The following GPHN variants were observed in gnomAD, a reference collection of about 807,000 sequenced individuals.
GPHN encodes the protein gephyrin.
Under a neutral mutation model 95.5 loss-of-function variants are expected in GPHN, and 17 were observed. The ratio of observed to expected loss-of-function variants is 0.18; its 90% confidence interval spans 0.12 to 0.27. The LOEUF (loss-of-function observed/expected upper bound fraction) is 0.27, where lower values mean the gene tolerates loss of function less well. Among genes scored for constraint, GPHN ranks in the 10% least tolerant of loss-of-function variants. The probability of loss-of-function intolerance (pLI) is 1.00; values close to 1 mark genes in which losing one functional copy is unlikely to be tolerated. For synonymous variants in GPHN, 320 were observed against 322.5 expected (o/e 0.99, Z 0.08); for missense variants, 660 against 978.1 (o/e 0.67, Z 4.34).
At chr14:66,535,800 T>A (rs1055986830) in intron 1 of GPHN, among the ~76,000 whole-genome samples, 15 of 152,144 alleles carry the variant, frequency 9.9e-5, no homozygotes, top group Admixed American at 9.8e-4. Context: ...TTTTATCTTA[T>A]AAGCAGCAAC....
Position 66,872,734 on chromosome 14 carries a change from A to T in GPHN, c.295-7205A>T, listed in dbSNP as rs2063491111. Among the ~76,000 whole-genome samples, 4 of 152,188 alleles carry T rather than the reference A, an allele frequency of 2.6e-5. No homozygotes were observed. The South Asian group carries it at 8.3e-4, about 32-fold the overall frequency. On this transcript the variant is annotated intron_variant, in intron 4 of 22. Transcript: ENST00000478722. ...AACATGGTGAAACCCCATCTCTACT[A>T]AAAGTACAAAATTAGCCAGGCATGG...
chr14:66,995,256 A>G (rs141153049), intron 9 of GPHN, among the ~76,000 whole-genome samples: 1 of 152,370 alleles, frequency 6.6e-6, no homozygotes, highest in African/African-American at 2.4e-5. Context: ...TCAGTTCAGC[A>G]TCATAAAGGT....
chr14:67,599,958 C>T, the GPHN span: 1 of 1,384,730 alleles, frequency 7.2e-7, no homozygotes, highest in Non-Finnish European at 9.8e-7. Context: ...CGACCAAAGA[C>T]CCCAAAGACC....
At chr14:66,789,531 G>A (rs1039579341) in intron 3 of GPHN, among the ~76,000 whole-genome samples, 1 of 152,160 alleles carries the variant, frequency 6.6e-6, no homozygotes, top group African/African-American at 2.4e-5. Flanking sequence ...TTGATCCCTT[G>A]GAGGAACAGG....
intron 1 of GPHN, among the ~76,000 whole-genome samples, chr14:66,514,352 T>C (rs1212783379): frequency 6.6e-6 from 1 of 152,004 alleles, no homozygotes; most frequent in African/African-American, 2.4e-5. Context: ...TAAGGAGCAC[T>C]GAATCATAGA....
intron 4 of GPHN, among the ~76,000 whole-genome samples, chr14:66,869,292 A>G (rs2063341121): frequency 6.6e-6 from 1 of 152,224 alleles, no homozygotes; most frequent in Non-Finnish European, 1.5e-5. Context: ...TTGTACTAGC[A>G]TATGTGATTG....
chr14:67,515,964 G>A, the GPHN span, among the ~76,000 whole-genome samples: 1 of 152,236 alleles, frequency 6.6e-6, no homozygotes, highest in African/African-American at 2.4e-5. Flanking sequence ...TAAGGCTCAC[G>A]ATTTGCTTTA....
chr14:66,734,412 C>T (rs2072069753), intron 2 of GPHN, among the ~76,000 whole-genome samples: 1 of 152,148 alleles, frequency 6.6e-6, no homozygotes, highest in African/African-American at 2.4e-5. Flanking sequence ...TTTTGCTGTC[C>T]TGTACCTAGA....
At position 66,898,975 on chromosome 14, in the gene GPHN, T is replaced by C. The variant is rs78749105; in HGVS notation, c.390-17028T>C. Among the ~76,000 whole-genome samples the C allele has an allele frequency of 5.7e-4, 87 of 152,058 alleles. 3 individuals are homozygous for C. The East Asian group carries it at 0.014, about 24-fold the overall frequency. On this transcript the variant is annotated intron_variant, in intron 5 of 22. Transcript: ENST00000478722. ...AAGTATTTAATTGTGTTTTCAGTTA[T>C]TGTAAATGGTGTTTTATTATTAATT...
the GPHN span, chr14:67,650,977 A>G: frequency 6.6e-7 from 1 of 1,525,340 alleles, no homozygotes; most frequent in Non-Finnish European, 9.0e-7. Flanking sequence ...TGAGGCATTG[A>G]GGGGATAGAT....
the GPHN span, among the ~76,000 whole-genome samples, chr14:67,723,725 T>G: frequency 6.6e-6 from 1 of 152,198 alleles, no homozygotes; most frequent in Non-Finnish European, 1.5e-5. Context: ...TAAAATAAAT[T>G]ACATATGGAA....
At chr14:67,038,718 G>GTCC (rs913066406) in intron 10 of GPHN, among the ~76,000 whole-genome samples, 8 of 152,108 alleles carry the variant, frequency 5.3e-5, no homozygotes, top group African/African-American at 1.9e-4. Context: ...ACCCTTTGAT[G>GTCC]TCCTGCTGGC....
At chr14:66,848,867 C>G (rs1049458711) in intron 4 of GPHN, among the ~76,000 whole-genome samples, 3 of 151,724 alleles carry the variant, frequency 2.0e-5, no homozygotes, top group African/African-American at 7.3e-5. Context: ...TTACCTAAGA[C>G]TAATTCATTA....
At chr14:67,579,977 A>C in the GPHN span, 1,141 of 1,144,330 alleles carry the variant, frequency 1.0e-3, no homozygotes, top group Non-Finnish European at 1.3e-3. Context: ...TTGGTAGCTC[A>C]TTTGGTGCTG....
At chr14:67,130,446 A>G (rs1283167830) in intron 17 of GPHN, among the ~76,000 whole-genome samples, 2 of 152,214 alleles carry the variant, frequency 1.3e-5, no homozygotes, top group East Asian at 3.9e-4. Context: ...AAAGGACATG[A>G]TTTCATTCTT....
intron 10 of GPHN, among the ~76,000 whole-genome samples, chr14:67,042,661 G>A (rs577489621): frequency 6.6e-5 from 10 of 152,216 alleles, no homozygotes; most frequent in East Asian, 3.9e-4. Flanking sequence ...GTCAGGTAGC[G>A]TGATGTCTCC....
intron 1 of GPHN, among the ~76,000 whole-genome samples, chr14:66,531,961 A>G (rs889168418): frequency 1.3e-5 from 2 of 152,198 alleles, no homozygotes; most frequent in African/African-American, 2.4e-5. Flanking sequence ...AAGCAGCTGT[A>G]GACAGTGTAT....
At chr14:67,335,304 C>T in the GPHN span, 1 of 152,186 alleles carries the variant, frequency 6.6e-6, no homozygotes, top group African/African-American at 2.4e-5. Context: ...TGGAAAAAAG[C>T]CTTGCTGTAC....
chr14:66,611,934 C>T (rs978378406), intron 1 of GPHN, among the ~76,000 whole-genome samples: 8 of 152,044 alleles, frequency 5.3e-5, no homozygotes, highest in Non-Finnish European at 1.0e-4. Context: ...AGAATAATTC[C>T]CCATTGACTA....
Sources: gnomAD v4.1 joint callset for allele counts (sites outside exome capture counted in the v4.1 genomes callset) on GRCh38, gnomAD v4.1.1 for gene constraint, MANE v1.5 for transcripts, NCBI Gene and HGNC (gene_info 2026-07-23, HGNC 2026-07-21) for gene names.